SLC12A2: variants seen among roughly 807,000 people sequenced by gnomAD.
SLC12A2 encodes Na-K-2Cl cotransporter 1.
SLC12A2 carries 67 observed loss-of-function variants against 136.3 expected under a neutral mutation model. The observed-to-expected ratio is 0.49, with a 90% CI of 0.40 to 0.60. SLC12A2 has a LOEUF of 0.60. SLC12A2 is among the 20% of genes least tolerant of loss of function. The probability of loss-of-function intolerance (pLI) is 0.00; values close to 1 mark genes in which losing one functional copy is unlikely to be tolerated. For missense variants in SLC12A2, 1,322 were observed against 1,534.7 expected (o/e 0.86, Z 2.32); for synonymous variants, 619 against 562.9 (o/e 1.10, Z -1.41).
At position 128,084,366 on chromosome 5, in the gene SLC12A2, C is replaced by T. The variant is rs770901272; in HGVS notation, c.412C>T (p.Arg138Cys). The change falls in exon 1 of 27, where the codon CGC becomes TGC. Residue 138 changes from arginine to cysteine, a missense_variant. By Grantham distance (180) the Arg-to-Cys change is radical. Coordinates refer to ENST00000262461, the MANE Select transcript of SLC12A2 (RefSeq NM_001046.3). This position sits in a 1 kb window ranked among gnomAD's most constrained non-coding sequence, Gnocchi z 5.6. ...PAKGSEEAKGRFRVNFVDPAA... is the reference protein window; with the variant it reads ...PAKGSEEAKGCFRVNFVDPAA... The stretch of plus-strand genomic sequence containing the variant: ...TAAAGGCAGCGAGGAAGCCAAGGGC[C>T]GCTTCCGCGTGAACTTCGTGGACCC... 2.5e-6 allele frequency: 4 copies of T among 1,602,358 alleles called. No individual in the cohort carries two copies. Among genetic ancestry groups the T allele is most frequent in the African/African-American group, 2.7e-5 (2 of 74,760 alleles).
At chr5:128,163,434 C>G (rs986597975) in intron 17 of SLC12A2, among the ~76,000 whole-genome samples, 4 of 152,010 alleles carry the variant, frequency 2.6e-5, no homozygotes, top group Non-Finnish European at 5.9e-5. Flanking sequence ...GAGGCTGAGG[C>G]AGGAGAATCA....
Position 128,138,595 on chromosome 5 carries a change from A to C in SLC12A2, c.1409-2A>C. 1 of 1,605,562 alleles carries C rather than the reference A, an allele frequency of 6.2e-7. No homozygotes were observed. The highest frequency in any genetic ancestry group is 1.1e-5 in the South Asian group (1 of 89,158). On this transcript the variant is annotated splice_acceptor_variant, in intron 7 of 26. Transcript: ENST00000262461. LOFTEE classifies it high-confidence loss of function. Reference sequence around the variant, plus strand: ...TTGTCAAGAATATTTTGTTCTCTGCAGCTGAAATATTTAATGAGAACTTTG... The same window carrying C: ...TTGTCAAGAATATTTTGTTCTCTGCCGCTGAAATATTTAATGAGAACTTTG...
intron 1 of SLC12A2, among the ~76,000 whole-genome samples, chr5:128,097,971 G>C (rs974272148): frequency 6.6e-6 from 1 of 151,918 alleles, no homozygotes; most frequent in African/African-American, 2.4e-5. Flanking sequence ...ATTCTTAGTT[G>C]ACAGCTTTCT....
intron 4 of SLC12A2, among the ~76,000 whole-genome samples, chr5:128,129,475 C>CT (rs549925133): frequency 0.017 from 2,171 of 130,870 alleles, 51 homozygotes; most frequent in African/African-American, 0.055. Context: ...GGTTAGGTTG[C>CT]TTTTTTTTTT....
chr5:128,101,353 A>C (rs1760734889), intron 1 of SLC12A2, among the ~76,000 whole-genome samples: 1 of 152,196 alleles, frequency 6.6e-6, no homozygotes. Context: ...TCATGATAGT[A>C]ATTTAACGCT....
At chr5:128,096,394 C>T (rs1760538267) in intron 1 of SLC12A2, among the ~76,000 whole-genome samples, 1 of 151,994 alleles carries the variant, frequency 6.6e-6, no homozygotes, top group African/African-American at 2.4e-5. Context: ...AGATATTAAC[C>T]TCTTTTTTAT....
At chr5:128,161,837 A>C in intron 17 of SLC12A2, 37 bp downstream of exon 17, 1 of 1,338,214 alleles carries the variant, frequency 7.5e-7, no homozygotes, top group Non-Finnish European at 9.8e-7. Context: ...CCTACATTTT[A>C]GATTTGTATA....
intron 23 of SLC12A2, among the ~76,000 whole-genome samples, chr5:128,181,680 T>G (rs1376730214): frequency 6.6e-6 from 1 of 152,112 alleles, no homozygotes; most frequent in Non-Finnish European, 1.5e-5. Context: ...AAAATCTAAT[T>G]GTTATAATGT....
chr5:128,136,298 G>A (rs1231304005), intron 7 of SLC12A2, among the ~76,000 whole-genome samples: 1 of 152,136 alleles, frequency 6.6e-6, no homozygotes, highest in African/African-American at 2.4e-5. Flanking sequence ...ATTTATGTTT[G>A]TCAGGAACGT....
chr5:128,084,269 G>A lies in SLC12A2; in HGVS notation c.315G>A (p.Ala105=). The stretch of plus-strand genomic sequence containing the variant: ...CGGCGGCGGCGGCGGCGGCAGCGGC[G>A]GCGGCTGGTGCTGGGGCGGGGGCCA... ...AAAAAAAAAA[A]AAGAGAGAKQ... Residue 105 remains alanine (A), a synonymous_variant, in exon 1 of 27, where the codon GCG becomes GCA. Coordinates refer to ENST00000262461, the MANE Select transcript of SLC12A2 (RefSeq NM_001046.3). The surrounding 1 kb of genome is among the most constrained non-coding windows in gnomAD (Gnocchi z 5.6). The A allele has an allele frequency of 5.4e-6, 7 of 1,291,582 alleles. No homozygotes were observed. Among genetic ancestry groups the A allele is most frequent in the Non-Finnish European group, 6.8e-6 (7 of 1,031,774 alleles). The allele number at this position is 1,291,582 out of a possible 1,614,324, so 80.0% of individuals were successfully genotyped here. A position where few individuals can be genotyped will look rare whatever the true frequency, so the allele number is the denominator to read the frequency against.
chr5:128,160,357 C>T (rs1338571846), intron 16 of SLC12A2, among the ~76,000 whole-genome samples: 1 of 152,034 alleles, frequency 6.6e-6, no homozygotes, highest in Non-Finnish European at 1.5e-5. Context: ...CCTGCATATT[C>T]TGCACATGTA....
At chr5:128,110,300 G>A (rs200932559) in intron 1 of SLC12A2, 15 of 833,504 alleles carry the variant, frequency 1.8e-5, no homozygotes, top group East Asian at 1.7e-4. Flanking sequence ...GCCTACCTAC[G>A]ACTTGACTGA....
chr5:128,143,843 TTACAA>T (rs1762443962), intron 10 of SLC12A2, among the ~76,000 whole-genome samples: 1 of 150,850 alleles, frequency 6.6e-6, no homozygotes, highest in South Asian at 2.1e-4. Context: ...TCTGTAAGTT[TTACAA>T]TACAATTTTT....
Position 128,178,482 on chromosome 5 carries a change from C to T in SLC12A2, c.2978-85C>T, listed in dbSNP as rs187932787. 57 of 1,016,012 alleles carry T rather than the reference C, an allele frequency of 5.6e-5. 1 individual carries two copies. Among genetic ancestry groups the T allele is most frequent in the African/African-American group, 1.7e-5 (1 of 60,578 alleles). 62.9% of individuals were successfully genotyped at this position (1,016,012 alleles called of 1,614,324 possible). On this transcript the variant is annotated intron_variant, in intron 21 of 26. Coordinates refer to ENST00000262461, the MANE Select transcript of SLC12A2 (RefSeq NM_001046.3). ...TCTGTAGTATAAACATCTGAATATA[C>T]AAACATTAGGAAATGATAGGAATTC...
chr5:128,102,335 T>C (rs1479094667), intron 1 of SLC12A2, among the ~76,000 whole-genome samples: 1 of 152,134 alleles, frequency 6.6e-6, no homozygotes, highest in Non-Finnish European at 1.5e-5. Flanking sequence ...AGAAATTCTC[T>C]GTGCACCCCC....
chr5:128,101,986 T>C (rs1199698414), intron 1 of SLC12A2, among the ~76,000 whole-genome samples: 2 of 152,180 alleles, frequency 1.3e-5, no homozygotes, highest in African/African-American at 4.8e-5. Context: ...AATATCAAAT[T>C]ATAAGAAGCT....
intron 4 of SLC12A2, among the ~76,000 whole-genome samples, chr5:128,118,347 A>G (rs954872893): frequency 6.6e-6 from 1 of 152,224 alleles, no homozygotes; most frequent in Admixed American, 6.5e-5. Flanking sequence ...GTGAGTGGAT[A>G]AAGAAAATGT....
chr5:128,083,963 G>A lies in SLC12A2; in HGVS notation c.9G>A (p.Pro3=). The change falls in exon 1 of 27, where the codon CCG becomes CCA. Residue 3 remains proline, a synonymous_variant. Coordinates refer to ENST00000262461, the MANE Select transcript of SLC12A2 (RefSeq NM_001046.3). ME[P]RPTAPSSGAP... is the part of the protein sequence containing the mutation. ...CCGGGGGTCGGGCAGCTATGGAGCCGCGGCCCACGGCGCCCTCCTCCGGCG... is the reference window on the plus strand; with the variant it reads ...CCGGGGGTCGGGCAGCTATGGAGCCACGGCCCACGGCGCCCTCCTCCGGCG... 8.1e-7 allele frequency: 1 copy of A among 1,236,724 alleles called. No individual in the cohort carries two copies. Among genetic ancestry groups the A allele is most frequent in the East Asian group, 3.2e-5 (1 of 30,784 alleles). The allele number at this position is 1,236,724 out of a possible 1,614,324, so 76.6% of individuals were successfully genotyped here. A position where few individuals can be genotyped will look rare whatever the true frequency, so the allele number is the denominator to read the frequency against.
chr5:128,096,018 T>A (rs1760524381), intron 1 of SLC12A2, among the ~76,000 whole-genome samples: 2 of 152,154 alleles, frequency 1.3e-5, no homozygotes, highest in African/African-American at 4.8e-5. Flanking sequence ...CTGAATTAAA[T>A]TAAGTTGTCA....
Sources: gnomAD v4.1 joint callset for allele counts (sites outside exome capture counted in the v4.1 genomes callset) on GRCh38, gnomAD v4.1.1 for gene constraint, Gnocchi (gnomAD v3.1) non-coding constraint, MANE v1.5 for transcripts, NCBI Gene and HGNC (gene_info 2026-07-23, HGNC 2026-07-21) for gene names.